Variants in KIRREL3 observed in about 807,000 individuals in gnomAD.
The protein encoded by KIRREL3 is kirre like nephrin family adhesion molecule 3.
Under a neutral mutation model 89.7 loss-of-function variants are expected in KIRREL3, and 36 were observed. That is an observed-to-expected ratio of 0.40 (90% confidence interval 0.31 to 0.53). The LOEUF (loss-of-function observed/expected upper bound fraction) is 0.53. Among genes scored for constraint, KIRREL3 ranks in the 20% least tolerant of loss-of-function variants. The pLI, the probability that KIRREL3 is intolerant of heterozygous loss-of-function variation, is 0.49. For missense variants in KIRREL3, 864 were observed against 1,056.6 expected (o/e 0.82, Z 2.53); for synonymous variants, 445 against 441.4 (o/e 1.01, Z -0.10).
Position 126,931,533 on chromosome 11 carries a change from A to G in KIRREL3, c.55+68922T>C, listed in dbSNP as rs1007345315. On this transcript the variant is annotated intron_variant, in intron 1 of 16. Transcript: ENST00000525144. The surrounding 1 kb of genome is among the most constrained non-coding windows in gnomAD (Gnocchi z 5.1). ...AGACAATCTTAAATACGTTCTTCTG[A>G]AGGCTCCCTTAAGTAAGCCCTCTTG... Among the ~76,000 whole-genome samples, 2 of 152,198 alleles carry G rather than the reference A, an allele frequency of 1.3e-5. No homozygotes were observed. Among genetic ancestry groups the G allele is most frequent in the East Asian group, 1.9e-4 (1 of 5,196 alleles).
At chr11:126,510,838 G>T (rs1226039032) in intron 4 of KIRREL3, among the ~76,000 whole-genome samples, 2 of 152,190 alleles carry the variant, frequency 1.3e-5, no homozygotes, top group South Asian at 2.1e-4. Context: ...GCCAAGGATT[G>T]GGTCTGGTGC....
intron 4 of KIRREL3, among the ~76,000 whole-genome samples, chr11:126,478,517 A>G (rs1464926637): frequency 5.3e-5 from 8 of 151,396 alleles, no homozygotes; most frequent in Non-Finnish European, 8.8e-5. Context: ...GTGTGTGTGT[A>G]TGTGTGTGTG....
intron 11 of KIRREL3, 104 bp downstream of exon 11, chr11:126,440,344 AG>A: frequency 1.0e-6 from 1 of 964,892 alleles, no homozygotes; most frequent in East Asian, 2.6e-5. Flanking sequence ...AGCAAGAAAG[AG>A]GAACCTCGGA....
chr11:126,517,138 G>C (rs201727576), intron 4 of KIRREL3, among the ~76,000 whole-genome samples: 1 of 37,928 alleles, frequency 2.6e-5, no homozygotes, highest in South Asian at 1.0e-3. Context: ...GAGAGAGAAA[G>C]AGAGAGAGAG....
In KIRREL3 at chr11:126,651,549, A is replaced by T. The variant is rs993158253; in HGVS notation, c.56-88637T>A. Among the ~76,000 whole-genome samples, 4 of 152,208 alleles carry T rather than the reference A, an allele frequency of 2.6e-5. No homozygotes were observed. The highest frequency in any genetic ancestry group is 2.0e-4 in the Admixed American group (3 of 15,286). ...GGAATAAATCTCTTATTTTGGTAGC[A>T]CTTTCAAATAAGTGGCAGCAGTTCA... On this transcript the variant is annotated intron_variant, in intron 1 of 16. Transcript: ENST00000525144. The surrounding 1 kb of genome is among the most constrained non-coding windows in gnomAD (Gnocchi z 4.6).
intron 1 of KIRREL3, among the ~76,000 whole-genome samples, chr11:126,630,967 C>T (rs1943995172): frequency 6.6e-6 from 1 of 152,192 alleles, no homozygotes; most frequent in Non-Finnish European, 1.5e-5. Flanking sequence ...GGCCCTTTCT[C>T]CTTGACACGT....
Position 126,995,795 on chromosome 11 carries a change from C to T in KIRREL3, c.55+4660G>A, listed in dbSNP as rs1950165459. On this transcript the variant is annotated intron_variant, in intron 1 of 16. Coordinates refer to ENST00000525144, the MANE Select transcript of KIRREL3 (RefSeq NM_032531.4). This position sits in a 1 kb window ranked among gnomAD's most constrained non-coding sequence, Gnocchi z 6.5. Reference sequence around the variant, plus strand: ...TGCAATATAATGCTGCCTAAGTCATCCCCACTGGGCTGAACAAAAAAGAAA... The same window carrying T: ...TGCAATATAATGCTGCCTAAGTCATTCCCACTGGGCTGAACAAAAAAGAAA... Among the ~76,000 whole-genome samples, 2 of 152,162 alleles carry T rather than the reference C, an allele frequency of 1.3e-5. No homozygotes were observed. Among genetic ancestry groups the T allele is most frequent in the Non-Finnish European group, 2.9e-5 (2 of 68,020 alleles).
intron 1 of KIRREL3, among the ~76,000 whole-genome samples, chr11:126,887,814 A>G (rs1271485232): frequency 6.6e-6 from 1 of 152,246 alleles, no homozygotes; most frequent in Non-Finnish European, 1.5e-5. Flanking sequence ...TATTAGAAAA[A>G]TGAAGATAGG....
At chr11:126,437,417 G>A (rs926454785) in intron 11 of KIRREL3, among the ~76,000 whole-genome samples, 2 of 151,816 alleles carry the variant, frequency 1.3e-5, no homozygotes, top group South Asian at 2.1e-4. Context: ...ACATCACCAC[G>A]TACACATACC....
intron 7 of KIRREL3, among the ~76,000 whole-genome samples, chr11:126,450,914 T>C (rs1387082729): frequency 2.0e-5 from 3 of 149,262 alleles, no homozygotes; most frequent in African/African-American, 7.5e-5. Context: ...TGCGTGTGTG[T>C]CCACGTGCAT....
rs942819513 is a variant in KIRREL3, at chr11:126,778,254, T to C, written c.56-215342A>G. ...GGATCATATTATACACCTTGTTCTG[T>C]ATCTTGCTTCTTCACTTAAAAATAT... On this transcript the variant is annotated intron_variant, in intron 1 of 16. Coordinates refer to ENST00000525144, the MANE Select transcript of KIRREL3 (RefSeq NM_032531.4). This position sits in a 1 kb window ranked among gnomAD's most constrained non-coding sequence, Gnocchi z 4.5. Among the ~76,000 whole-genome samples, 1 of 152,226 alleles carries C rather than the reference T, an allele frequency of 6.6e-6. No individual in the cohort carries two copies. Among genetic ancestry groups the C allele is most frequent in the East Asian group, 1.9e-4 (1 of 5,196 alleles).
chr11:126,876,419 C>A lies in KIRREL3; in HGVS notation c.55+124036G>T, dbSNP rs1468465889. 6.6e-6 allele frequency among the ~76,000 whole-genome samples: 1 copy of A among 152,122 alleles called. No homozygotes were observed. The highest frequency in any genetic ancestry group is 2.1e-4 in the South Asian group (1 of 4,818). On this transcript the variant is annotated intron_variant, in intron 1 of 16. Coordinates refer to ENST00000525144, the MANE Select transcript of KIRREL3 (RefSeq NM_032531.4). This position sits in a 1 kb window ranked among gnomAD's most constrained non-coding sequence, Gnocchi z 4.1. ...CTGGATAATTTCATCCTACAGCACACCCAGGGAGAAAGAAGCCACATAGCT... is the reference window on the plus strand; with the variant it reads ...CTGGATAATTTCATCCTACAGCACAACCAGGGAGAAAGAAGCCACATAGCT...
At chr11:126,838,793 G>C (rs1287385824) in intron 1 of KIRREL3, among the ~76,000 whole-genome samples, 3 of 152,168 alleles carry the variant, frequency 2.0e-5, no homozygotes, top group African/African-American at 7.2e-5. Flanking sequence ...CAGTAATAAA[G>C]GGGGGAAATA....
intron 1 of KIRREL3, among the ~76,000 whole-genome samples, chr11:126,633,185 G>A (rs925646686): frequency 6.6e-6 from 1 of 152,098 alleles, no homozygotes. Flanking sequence ...CCCAAGTCTC[G>A]TGTTAAAATC....
intron 1 of KIRREL3, among the ~76,000 whole-genome samples, chr11:126,854,834 C>G (rs1175139489): frequency 2.0e-5 from 3 of 152,192 alleles, no homozygotes; most frequent in Admixed American, 1.3e-4. Flanking sequence ...TTTTCACATT[C>G]TTACCAACAG....
Position 126,817,507 on chromosome 11 carries a change from G to T in KIRREL3, c.55+182948C>A, listed in dbSNP as rs981511639. Among the ~76,000 whole-genome samples the T allele has an allele frequency of 6.6e-6, 1 of 152,118 alleles. No individual in the cohort carries two copies. Among genetic ancestry groups the T allele is most frequent in the Non-Finnish European group, 1.5e-5 (1 of 68,008 alleles). ...CCTTCCCATTTCTCCCACCAATCAG[G>T]CATTAGCATCCCCAGTCCTCTGGTG... is the stretch of plus-strand genomic sequence containing the variant. On this transcript the variant is annotated intron_variant, in intron 1 of 16. Transcript: ENST00000525144. The surrounding 1 kb of genome is among the most constrained non-coding windows in gnomAD (Gnocchi z 5.7).
intron 1 of KIRREL3, among the ~76,000 whole-genome samples, chr11:126,590,717 G>A (rs1942092120): frequency 6.6e-6 from 1 of 152,144 alleles, no homozygotes; most frequent in Admixed American, 6.5e-5. Context: ...GTGCCTGTGG[G>A]GGCTGCTGCA....
intron 1 of KIRREL3, among the ~76,000 whole-genome samples, chr11:126,938,350 T>C (rs1236090437): frequency 6.6e-6 from 1 of 152,238 alleles, no homozygotes; most frequent in Non-Finnish European, 1.5e-5. Flanking sequence ...CACTGGGCAC[T>C]TGACTGGCAT....
chr11:126,835,058 C>T (rs1943733216), intron 1 of KIRREL3, among the ~76,000 whole-genome samples: 1 of 152,232 alleles, frequency 6.6e-6, no homozygotes, highest in Non-Finnish European at 1.5e-5. Context: ...TTTTCTGTTT[C>T]TACCATCGTG....
Sources: gnomAD v4.1 joint callset for allele counts (sites outside exome capture counted in the v4.1 genomes callset) on GRCh38, gnomAD v4.1.1 for gene constraint, Gnocchi (gnomAD v3.1) non-coding constraint, MANE v1.5 for transcripts, NCBI Gene and HGNC (gene_info 2026-07-23, HGNC 2026-07-21) for gene names.